MUCL1: variants seen among roughly 807,000 people sequenced by gnomAD.
MUCL1 encodes mucin-like protein 1.
Under a neutral mutation model 9.2 loss-of-function variants are expected in MUCL1, and 11 were observed. The ratio of observed to expected loss-of-function variants is 1.19; its 90% CI spans 0.75 to 1.97. MUCL1 has a LOEUF of 1.97. Among genes scored for constraint, MUCL1 ranks in the 30% most tolerant of loss-of-function variants. The pLI is 0.00. For missense variants in MUCL1, 144 were observed against 110.9 expected (o/e 1.30, Z -1.34); for synonymous variants, 48 against 40.5 (o/e 1.19, Z -0.71).
rs750950616 is a variant in MUCL1 at position 54,855,117 on chromosome 12, G to C, written c.60G>C (p.Gln20His). 6.2e-7 allele frequency: 1 copy of C among 1,613,116 alleles called. No homozygotes were observed. The highest frequency in any genetic ancestry group is 8.5e-7 in the Non-Finnish European group (1 of 1,179,548). Reference protein sequence around the residue: ...LGVSIFLVSAQNPTTAAPADT... With the variant: ...LGVSIFLVSAHNPTTAAPADT... ...TAATTTTTCCTTCTTCTCTTTCAGAGAATCCGACAACAGCTGCTCCAGCTG... is the reference window on the plus strand; with the variant it reads ...TAATTTTTCCTTCTTCTCTTTCAGACAATCCGACAACAGCTGCTCCAGCTG... The change falls in exon 2 of 4, where the codon CAG (glutamine) becomes CAC (histidine). Residue 20 changes from glutamine (Q) to histidine (H), a missense_variant and splice_region_variant. Transcript: ENST00000308796.
chr12:54,843,613 G>C (rs1320342282), intron 1 of MUCL1, among the ~76,000 whole-genome samples: 1 of 152,180 alleles, frequency 6.6e-6, no homozygotes, highest in Non-Finnish European at 1.5e-5. Context: ...ATGTGGAAGA[G>C]GGAGACAGGA....
intron 1 of MUCL1, among the ~76,000 whole-genome samples, chr12:54,845,077 G>T (rs2135942406): frequency 6.6e-6 from 1 of 152,320 alleles, no homozygotes; most frequent in Non-Finnish European, 1.5e-5. Flanking sequence ...CTTGGTCTCA[G>T]ATGACATTAA....
chr12:54,843,521 G>A (rs556412032), intron 1 of MUCL1, among the ~76,000 whole-genome samples: 1 of 152,190 alleles, frequency 6.6e-6, no homozygotes, highest in Non-Finnish European at 1.5e-5. Context: ...TGAAGTTAAA[G>A]TTGTTAATTA....
Position 54,856,874 on chromosome 12 carries a change from G to C in MUCL1, c.205G>C (p.Ala69Pro). 1 of 1,613,748 alleles carries C rather than the reference G, an allele frequency of 6.2e-7. No individual in the cohort carries two copies. Among genetic ancestry groups the C allele is most frequent in the Non-Finnish European group, 8.5e-7 (1 of 1,179,844 alleles). Residue 69 changes from alanine to proline, a missense_variant, in exon 3 of 4, where the codon GCT becomes CCT. Physicochemically the swap from Ala to Pro is conservative, Grantham distance 27. Coordinates refer to ENST00000308796, the MANE Select transcript of MUCL1 (RefSeq NM_058173.3). The part of the protein sequence containing the change: ...TTATTAASTT[A>P]RKDIPVLPKW... ...TGCAACCACCGCTGCTTCTACCACT[G>C]CTCGTAAAGACATTCCAGGTAGCAA...
At chr12:54,856,515 A>G (rs939515988) in intron 2 of MUCL1, among the ~76,000 whole-genome samples, 4 of 152,192 alleles carry the variant, frequency 2.6e-5, no homozygotes, top group Non-Finnish European at 4.4e-5. Context: ...TACCTGGGAC[A>G]AAGTACTTGC....
At chr12:54,835,835 C>G (rs562798751), upstream of MUCL1, among the ~76,000 whole-genome samples, 1 of 152,126 alleles carries the variant, frequency 6.6e-6, no homozygotes, top group Non-Finnish European at 1.5e-5. Context: ...TTGAGATGAT[C>G]ATGTGATTTT....
upstream of MUCL1, among the ~76,000 whole-genome samples, chr12:54,852,428 T>A (rs1868259585): frequency 6.6e-6 from 1 of 152,196 alleles, no homozygotes; most frequent in African/African-American, 2.4e-5. Flanking sequence ...ATTTAATAAA[T>A]GGTGCTGGGA....
chr12:54,833,837 G>A (rs1004770276), intron 1 of MUCL1, among the ~76,000 whole-genome samples: 1 of 144,014 alleles, frequency 6.9e-6, no homozygotes, highest in Non-Finnish European at 1.5e-5. Context: ...TGGGGGAGGG[G>A]GGAGGGATAG....
At chr12:54,835,606 GTT>G (rs35413913), upstream of MUCL1, among the ~76,000 whole-genome samples, 24,231 of 140,388 alleles carry the variant, frequency 0.17, 3,411 homozygotes, top group African/African-American at 0.4. Context: ...TGATGGGATT[GTT>G]TTTTTTTTTT....
intron 2 of MUCL1, chr12:54,855,386 A>T (rs559912742): frequency 5.8e-6 from 3 of 516,712 alleles, no homozygotes; most frequent in Non-Finnish European, 1.1e-5. Flanking sequence ...ACTTATACAA[A>T]TGTGGACTTA....
chr12:54,838,038 A>T (rs1017552131), upstream of MUCL1, among the ~76,000 whole-genome samples: 1 of 152,162 alleles, frequency 6.6e-6, no homozygotes, highest in Non-Finnish European at 1.5e-5. Flanking sequence ...TGTGAGTTTT[A>T]TGCTTCAAGT....
At chr12:54,842,475 A>G (rs141503037) in intron 1 of MUCL1, among the ~76,000 whole-genome samples, 1,717 of 152,268 alleles carry the variant, frequency 0.011, 35 homozygotes, top group African/African-American at 0.039. Context: ...TAGCATATGC[A>G]TTACCTCACA....
At chr12:54,837,519 AC>A (rs1470653204), upstream of MUCL1, among the ~76,000 whole-genome samples, 3 of 152,062 alleles carry the variant, frequency 2.0e-5, no homozygotes, top group African/African-American at 7.2e-5. Context: ...TAATCCCAGT[AC>A]TTTGGGAGGC....
chr12:54,836,184 T>G (rs191945851), upstream of MUCL1, among the ~76,000 whole-genome samples: 22 of 152,312 alleles, frequency 1.4e-4, no homozygotes, highest in Admixed American at 1.4e-3. Context: ...GAAGGTCTGG[T>G]AGACTTTGGC....
chr12:54,851,196 G>T (rs916710054), upstream of MUCL1, among the ~76,000 whole-genome samples: 16 of 152,094 alleles, frequency 1.1e-4, no homozygotes, highest in Admixed American at 8.5e-4. Flanking sequence ...TGGTTTTGTT[G>T]CCATTGCTTT....
chr12:54,857,845 G>T (rs143330711), intron 3 of MUCL1, among the ~76,000 whole-genome samples: 324 of 152,206 alleles, frequency 2.1e-3, no homozygotes, highest in African/African-American at 7.5e-3. Flanking sequence ...TTGGAACTCT[G>T]TCAATAATCT....
upstream of MUCL1, among the ~76,000 whole-genome samples, chr12:54,852,707 C>T (rs1255056087): frequency 6.6e-6 from 1 of 152,146 alleles, no homozygotes; most frequent in Non-Finnish European, 1.5e-5. Context: ...AGTGGGCTCT[C>T]AATAAGTAAC....
At chr12:54,837,590 C>T (rs910288649), upstream of MUCL1, among the ~76,000 whole-genome samples, 1 of 151,940 alleles carries the variant, frequency 6.6e-6, no homozygotes, top group East Asian at 1.9e-4. Context: ...ATGGAGAAAA[C>T]CTGTCTCTAC....
At chr12:54,835,520 AT>A (rs945556595), upstream of MUCL1, among the ~76,000 whole-genome samples, 4 of 149,104 alleles carry the variant, frequency 2.7e-5, no homozygotes, top group South Asian at 4.2e-4. Context: ...AATGTTGAGT[AT>A]TTTTTTCATA....
Sources: gnomAD v4.1 joint callset for allele counts (sites outside exome capture counted in the v4.1 genomes callset) on GRCh38, gnomAD v4.1.1 for gene constraint, MANE v1.5 for transcripts, NCBI Gene and HGNC (gene_info 2026-07-23, HGNC 2026-07-21) for gene names.